Variants in RAB27A observed in about 807,000 individuals in gnomAD.
RAB27A encodes ras-related protein Rab-27A.
In RAB27A, 17 loss-of-function variants were observed where a neutral mutation model predicts 20.8. That is an observed-to-expected ratio of 0.82 (90% confidence interval 0.56 to 1.23). The LOEUF (loss-of-function observed/expected upper bound fraction) is 1.23. Ranked by LOEUF, RAB27A falls within the 50% of genes most tolerant of loss-of-function variation. RAB27A has a pLI of 0.00. For synonymous variants in RAB27A, 85 were observed against 92.8 expected (o/e 0.92, Z 0.48); for missense variants, 277 against 266.7 (o/e 1.04, Z -0.27).
intron 6 of RAB27A, among the ~76,000 whole-genome samples, chr15:55,208,643 G>A (rs1894768177): frequency 7.0e-6 from 1 of 141,870 alleles, no homozygotes; most frequent in East Asian, 1.9e-4. Context: ...CAGGAGAGAG[G>A]AAATCTTTCC....
At chr15:55,267,634 C>A (rs193084291) in intron 2 of RAB27A, among the ~76,000 whole-genome samples, 1 of 152,178 alleles carries the variant, frequency 6.6e-6, no homozygotes, top group East Asian at 1.9e-4. Context: ...TCAGCTATCA[C>A]GTATGCTATA....
intron 6 of RAB27A, among the ~76,000 whole-genome samples, chr15:55,219,798 G>A (rs1477110968): frequency 6.6e-6 from 1 of 152,028 alleles, no homozygotes; most frequent in Non-Finnish European, 1.5e-5. Context: ...CAACTTCATT[G>A]ACAATATCAC....
intron 6 of RAB27A, among the ~76,000 whole-genome samples, chr15:55,216,807 C>G (rs1895327988): frequency 6.6e-6 from 1 of 152,082 alleles, no homozygotes; most frequent in African/African-American, 2.4e-5. Flanking sequence ...TGCTTTGTGC[C>G]TCCAAAGCAT....
At chr15:55,208,169 A>C in intron 6 of RAB27A, among the ~76,000 whole-genome samples, 1 of 152,358 alleles carries the variant, frequency 6.6e-6, no homozygotes. Flanking sequence ...AATGAATTAT[A>C]CAATGCTTAA....
chr15:55,264,224 T>G (rs55957229), intron 2 of RAB27A, among the ~76,000 whole-genome samples: 39,902 of 151,848 alleles, frequency 0.26, 7,154 homozygotes, highest in East Asian at 0.56. Context: ...TTAATTTTTC[T>G]ATTTTTAGTA....
At chr15:55,305,431 C>A (rs776997514) in intron 2 of RAB27A, among the ~76,000 whole-genome samples, 2 of 149,660 alleles carry the variant, frequency 1.3e-5, no homozygotes, top group African/African-American at 2.5e-5. Flanking sequence ...ATTTGAAGAA[C>A]CATTTGTAGC....
chr15:55,307,757 A>G (rs2141145070), intron 2 of RAB27A, among the ~76,000 whole-genome samples: 1 of 149,850 alleles, frequency 6.7e-6, no homozygotes, highest in East Asian at 2.0e-4. Flanking sequence ...TCTCTTGGGT[A>G]ATTGCCTGTT....
intron 4 of RAB27A, among the ~76,000 whole-genome samples, chr15:55,229,449 G>A (rs939781546): frequency 6.6e-6 from 1 of 152,180 alleles, no homozygotes; most frequent in Admixed American, 6.5e-5. Context: ...GTCAAGGCAG[G>A]CAGATCACCT....
intron 2 of RAB27A, among the ~76,000 whole-genome samples, chr15:55,304,793 A>G (rs1262208163): frequency 1.3e-5 from 2 of 152,286 alleles, no homozygotes; most frequent in African/African-American, 4.8e-5. Flanking sequence ...GCTATTATGA[A>G]TAATGTGATG....
At chr15:55,309,575 GTGAGT>G (rs1473293926) in intron 2 of RAB27A, among the ~76,000 whole-genome samples, 1 of 152,176 alleles carries the variant, frequency 6.6e-6, no homozygotes, top group African/African-American at 2.4e-5. Context: ...AACAGTCCAG[GTGAGT>G]TGAGATGTTG....
chr15:55,205,837 T>C, intron 6 of RAB27A, 132 bp from the exon 7 acceptor site: 1 of 851,858 alleles, frequency 1.2e-6, no homozygotes, highest in Non-Finnish European at 1.9e-6. Flanking sequence ...CACCCCAGAG[T>C]ACATTAAAAA....
intron 2 of RAB27A, among the ~76,000 whole-genome samples, chr15:55,313,124 G>GA (rs1241364109): frequency 4.6e-5 from 7 of 152,132 alleles, no homozygotes; most frequent in African/African-American, 1.4e-4. Flanking sequence ...AAGTGCATAG[G>GA]AAAAAATCTT....
At chr15:55,282,810 T>C (rs1263278201) in intron 1 of RAB27A, among the ~76,000 whole-genome samples, 1 of 152,130 alleles carries the variant, frequency 6.6e-6, no homozygotes, top group Non-Finnish European at 1.5e-5. Context: ...TCCTCTCCTA[T>C]GGCCAACCTG....
At chr15:55,234,745 A>C (rs779887852) in intron 3 of RAB27A, 37 bp downstream of exon 3, 1 of 1,577,914 alleles carries the variant, frequency 6.3e-7, no homozygotes, top group Non-Finnish European at 8.7e-7. Flanking sequence ...TGTTGACTTA[A>C]CGATTACATT....
At chr15:55,248,933 A>T (rs887755823) in intron 2 of RAB27A, 1 of 151,088 alleles carries the variant, frequency 6.6e-6, no homozygotes, top group Admixed American at 6.6e-5. Flanking sequence ...TAACTGAACC[A>T]AAAAAAAAGG....
intron 2 of RAB27A, among the ~76,000 whole-genome samples, chr15:55,267,925 G>A (rs1897561990): frequency 1.3e-5 from 2 of 152,152 alleles, no homozygotes; most frequent in Non-Finnish European, 2.9e-5. Context: ...TTCCTGTCTT[G>A]TGGGCAGCAG....
intron 2 of RAB27A, among the ~76,000 whole-genome samples, chr15:55,246,856 C>G (rs1896706081): frequency 6.6e-6 from 1 of 152,026 alleles, no homozygotes. Context: ...ACAAAGTATG[C>G]TCCCACTGAG....
intron 2 of RAB27A, among the ~76,000 whole-genome samples, chr15:55,240,364 C>G (rs1401443392): frequency 1.3e-5 from 2 of 152,152 alleles, no homozygotes; most frequent in Non-Finnish European, 2.9e-5. Flanking sequence ...ACAAGGGCTT[C>G]CCTCTGACAC....
chr15:55,303,226 A>T (rs1186909030), intron 2 of RAB27A, among the ~76,000 whole-genome samples: 57 of 54,806 alleles, frequency 1.0e-3, no homozygotes, highest in Admixed American at 1.7e-3. Context: ...GGAGCCCCTC[A>T]GCCCGGCCAG....
Sources: gnomAD v4.1 joint callset for allele counts (sites outside exome capture counted in the v4.1 genomes callset) on GRCh38, gnomAD v4.1.1 for gene constraint, MANE v1.5 for transcripts, NCBI Gene and HGNC (gene_info 2026-07-23, HGNC 2026-07-21) for gene names.